The following GALK1 variants were observed in gnomAD, a reference collection of about 807,000 sequenced individuals.
GALK1 encodes the protein galactokinase.
In GALK1, 30 loss-of-function variants were observed where a neutral mutation model predicts 38.6. That is an observed-to-expected ratio of 0.78 (90% CI 0.58 to 1.05). The LOEUF is 1.05. GALK1 is among the 50% of genes least tolerant of loss of function. The pLI, the probability that GALK1 is intolerant of heterozygous loss-of-function variation, is 0.00. For synonymous variants in GALK1, 240 were observed against 233.6 expected, an observed-to-expected ratio of 1.03 and a Z score of -0.25; for missense variants, 512 against 540.5, an observed-to-expected ratio of 0.95 and a Z score of 0.52.
chr17:75,757,341 C>G (rs1437729800), downstream of GALK1: 1 of 1,612,764 alleles, frequency 6.2e-7, no homozygotes, highest in East Asian at 2.2e-5. Flanking sequence ...GATCCCGGCT[C>G]TCCTGGGACA....
chr17:75,764,351 C>G, intron 1 of GALK1: 1 of 720,128 alleles, frequency 1.4e-6, no homozygotes, highest in Non-Finnish European at 2.6e-6. Flanking sequence ...GAGAGCTAGC[C>G]CAAAGGGAAA....
chr17:75,755,361 T>G, downstream of GALK1: 1 of 875,388 alleles, frequency 1.1e-6, no homozygotes, highest in Non-Finnish European at 1.7e-6. Flanking sequence ...CCACCTGCCC[T>G]ACCATCAGTG....
chr17:75,759,477 G>A (rs752662475), intron 5 of GALK1, among the ~76,000 whole-genome samples: 6 of 151,786 alleles, frequency 4.0e-5, no homozygotes, highest in Non-Finnish European at 7.4e-5. Flanking sequence ...TGAGACAGTG[G>A]GTGGTGTTTT....
At chr17:75,762,939 G>A (rs368634148) in intron 4 of GALK1, 54 bp from the exon 5 acceptor site, 35 of 1,513,354 alleles carry the variant, frequency 2.3e-5, no homozygotes, top group Non-Finnish European at 2.5e-5. Flanking sequence ...TGCTTGCTGC[G>A]CCAGGCAGTG....
chr17:75,761,462 T>A (rs1435199693), intron 5 of GALK1, among the ~76,000 whole-genome samples: 1 of 146,046 alleles, frequency 6.8e-6, no homozygotes, highest in African/African-American at 2.5e-5. Context: ...ACTAAAAATA[T>A]AAAAATTGGC....
intron 1 of GALK1, chr17:75,764,729 C>G: frequency 4.8e-6 from 3 of 623,104 alleles, no homozygotes; most frequent in Non-Finnish European, 8.6e-6. Flanking sequence ...CCCCAGCCCC[C>G]AGAGGGCGGG....
At chr17:75,757,172 C>T, downstream of GALK1, 2 of 1,612,676 alleles carry the variant, frequency 1.2e-6, no homozygotes, top group Admixed American at 3.3e-5. Context: ...TGGCACCACC[C>T]TCTGACTGGC....
downstream of GALK1, chr17:75,755,967 G>T (rs1399060172): frequency 2.1e-5 from 27 of 1,276,428 alleles, no homozygotes; most frequent in Non-Finnish European, 3.0e-5. Context: ...GAGCGCTAAA[G>T]CCCCCATCCA....
At chr17:75,754,929 C>T (rs1352813281), downstream of GALK1, 60 of 1,535,534 alleles carry the variant, frequency 3.9e-5, no homozygotes, top group East Asian at 1.6e-4. Context: ...CATACACACA[C>T]GCATGCACAC....
At chr17:75,755,856 G>A (rs893261865), downstream of GALK1, 1 of 1,601,548 alleles carries the variant, frequency 6.2e-7, no homozygotes, top group Non-Finnish European at 8.5e-7. Context: ...CGGCGGTGAG[G>A]CATGGTGGCT....
chr17:75,764,623 C>A, intron 1 of GALK1: 2 of 468,732 alleles, frequency 4.3e-6, no homozygotes, highest in Non-Finnish European at 8.0e-6. Context: ...GCGGTTGGGG[C>A]CCCACGGTGG....
chr17:75,756,100 C>T (rs1054649247), downstream of GALK1, among the ~76,000 whole-genome samples: 4 of 152,210 alleles, frequency 2.6e-5, no homozygotes, highest in African/African-American at 7.2e-5. Flanking sequence ...CTAACAAGGC[C>T]CCTTTGGGCT....
At chr17:75,755,079 G>A (rs375588839), downstream of GALK1, 1 of 1,600,714 alleles carries the variant, frequency 6.2e-7, no homozygotes, top group Non-Finnish European at 8.5e-7. Context: ...TGGGAACACG[G>A]GAGGAGCAGG....
At chr17:75,757,496 A>T (rs1378675023), downstream of GALK1, 3 of 1,613,200 alleles carry the variant, frequency 1.9e-6, no homozygotes, top group Non-Finnish European at 2.5e-6. Context: ...TGTGAGCCGG[A>T]CACTGACCAC....
intron 3 of GALK1, 63 bp from the exon 4 acceptor site, chr17:75,763,212 C>T: frequency 1.2e-6 from 2 of 1,610,758 alleles, no homozygotes; most frequent in Non-Finnish European, 1.7e-6. Context: ...TTCAATGACA[C>T]TCCAGGGAGA....
At chr17:75,755,313 T>G, downstream of GALK1, 3 of 1,288,600 alleles carry the variant, frequency 2.3e-6, no homozygotes, top group African/African-American at 1.5e-5. Flanking sequence ...TTCCCCTCCA[T>G]TCCATCCACA....
At chr17:75,753,735 GT>G (rs2061421733), downstream of GALK1, 1 of 1,372,544 alleles carries the variant, frequency 7.3e-7, no homozygotes, top group East Asian at 2.8e-5. Flanking sequence ...CCCCCCGGCG[GT>G]GCCAACGCGG....
At chr17:75,756,974 C>T (rs1192416647), downstream of GALK1, 2 of 1,612,662 alleles carry the variant, frequency 1.2e-6, no homozygotes, top group African/African-American at 1.3e-5. Context: ...TGGATGGAGA[C>T]AGCCCCGAGA....
downstream of GALK1, chr17:75,754,930 G>A (rs146183690): frequency 1.5e-4 from 235 of 1,548,518 alleles, 1 homozygote; most frequent in African/African-American, 4.0e-4. Context: ...ATACACACAC[G>A]CATGCACACA....
Sources: allele counts gnomAD v4.1 joint callset (sites outside exome capture counted in the v4.1 genomes callset), GRCh38; gene constraint gnomAD v4.1.1; transcripts MANE v1.5; gene names NCBI Gene and HGNC (gene_info 2026-07-23, HGNC 2026-07-21).